Variants in MAPRE2 observed in about 807,000 individuals in gnomAD.
The protein encoded by MAPRE2 is microtubule-associated protein RP/EB family member 2.
Under a neutral mutation model 43.2 loss-of-function variants are expected in MAPRE2, and 13 were observed. The observed-to-expected ratio is 0.30, with a 90% CI of 0.20 to 0.48. MAPRE2 has a LOEUF of 0.48. Among genes scored for constraint, MAPRE2 ranks in the 20% least tolerant of loss-of-function variants. MAPRE2 has a pLI of 0.99. For missense variants in MAPRE2, 161 were observed against 400.2 expected, an observed-to-expected ratio of 0.40 and a Z score of 5.10; for synonymous variants, 135 against 148.8, an observed-to-expected ratio of 0.91 and a Z score of 0.68.
At chr18:35,095,287 G>A (rs1908348789) in intron 2 of MAPRE2, among the ~76,000 whole-genome samples, 1 of 151,750 alleles carries the variant, frequency 6.6e-6, no homozygotes, top group African/African-American at 2.4e-5. Context: ...ATGATCTGTT[G>A]AGTTTCAGAA....
At chr18:35,052,222 T>C (rs1905973736) in intron 1 of MAPRE2, among the ~76,000 whole-genome samples, 1 of 152,170 alleles carries the variant, frequency 6.6e-6, no homozygotes, top group South Asian at 2.1e-4. Flanking sequence ...CTTGTACCCT[T>C]TGCAGTCCAA....
intron 1 of MAPRE2, among the ~76,000 whole-genome samples, chr18:35,066,060 C>A (rs1182368010): frequency 2.0e-5 from 3 of 152,224 alleles, no homozygotes; most frequent in Non-Finnish European, 4.4e-5. Context: ...TGAGAATAAA[C>A]CCCGCACAGT....
intron 2 of MAPRE2, among the ~76,000 whole-genome samples, chr18:35,076,111 A>G (rs544342): frequency 0.27 from 40,588 of 152,128 alleles, 6,806 homozygotes; most frequent in East Asian, 0.52. Flanking sequence ...TATGGATGAT[A>G]TATCTTTGAA....
In MAPRE2 at chr18:34,981,896, T is replaced by TA. The variant is rs1234517470; in HGVS notation, c.-70+4817_-70+4818insA. Among the ~76,000 whole-genome samples, 912 of 149,490 alleles carry TA rather than the reference T, an allele frequency of 6.1e-3. 10 individuals carry two copies. Among genetic ancestry groups the TA allele is most frequent in the African/African-American group, 0.021 (843 of 40,662 alleles). ...TTTTTTATTTTTATTTATTTTTTTTTTTTTTTGAGACGGAGTCTCACTCTG... is the reference window on the plus strand; with the variant it reads ...TTTTTTATTTTTATTTATTTTTTTTTATTTTTTGAGACGGAGTCTCACTCTG... On this transcript the variant is annotated intron_variant, in intron 1 of 7. Transcript: ENST00000413393.
intron 1 of MAPRE2, among the ~76,000 whole-genome samples, chr18:34,999,982 A>C (rs1568967363): frequency 6.6e-6 from 1 of 151,934 alleles, no homozygotes; most frequent in Non-Finnish European, 1.5e-5. Context: ...TCTCTGAAAG[A>C]TTAATATCTA....
chr18:35,055,297 C>T (rs1906158718), intron 1 of MAPRE2, among the ~76,000 whole-genome samples: 1 of 152,096 alleles, frequency 6.6e-6, no homozygotes, highest in Non-Finnish European at 1.5e-5. Flanking sequence ...TCTTTTGGCC[C>T]CCATGTGCTC....
intron 1 of MAPRE2, among the ~76,000 whole-genome samples, chr18:35,064,040 C>T (rs1428117077): frequency 1.1e-5 from 1 of 91,694 alleles, no homozygotes; most frequent in African/African-American, 3.4e-5. Flanking sequence ...AAAATCTGGC[C>T]AACGTGATGG....
At chr18:35,073,155 G>C (rs966237462) in intron 2 of MAPRE2, among the ~76,000 whole-genome samples, 2 of 152,088 alleles carry the variant, frequency 1.3e-5, no homozygotes, top group Non-Finnish European at 2.9e-5. Context: ...CTGCAGCCTA[G>C]AGCTTGCAGT....
At chr18:35,048,832 A>T (rs1332254855) in intron 1 of MAPRE2, among the ~76,000 whole-genome samples, 1 of 151,392 alleles carries the variant, frequency 6.6e-6, no homozygotes, top group Non-Finnish European at 1.5e-5. Flanking sequence ...TTCTAAGATT[A>T]TACTTCCTAA....
chr18:35,011,539 A>G (rs1264173141), intron 2 of MAPRE2, among the ~76,000 whole-genome samples: 1 of 152,160 alleles, frequency 6.6e-6, no homozygotes, highest in Non-Finnish European at 1.5e-5. Flanking sequence ...AAAGATGTTG[A>G]AGTCCTTTAA....
chr18:35,131,826 A>G, intron 5 of MAPRE2: 1 of 553,840 alleles, frequency 1.8e-6, no homozygotes, highest in Non-Finnish European at 3.2e-6. Context: ...CCTGAAGGGA[A>G]TGACCAGAGT....
At chr18:35,062,803 C>G (rs1435901606) in intron 1 of MAPRE2, among the ~76,000 whole-genome samples, 2 of 152,184 alleles carry the variant, frequency 1.3e-5, no homozygotes, top group African/African-American at 2.4e-5. Flanking sequence ...ATTATATGCT[C>G]AAGCCCAAAG....
chr18:34,994,343 A>T (rs999829342), intron 1 of MAPRE2, among the ~76,000 whole-genome samples: 1 of 152,148 alleles, frequency 6.6e-6, no homozygotes, highest in Non-Finnish European at 1.5e-5. Flanking sequence ...TTAAGCTAAC[A>T]GAAGAAGTCT....
rs75475138 is a variant in MAPRE2, at chr18:35,136,908, C to A, written c.910-3387C>A. Reference sequence around the variant, plus strand: ...ACGGAAAGATGTGAATAGATTGATACGCACATATTAGAATTATTAGGTGAT... The same window carrying A: ...ACGGAAAGATGTGAATAGATTGATAAGCACATATTAGAATTATTAGGTGAT... On this transcript the variant is annotated intron_variant, in intron 6 of 6. Coordinates refer to ENST00000300249, the MANE Select transcript of MAPRE2 (RefSeq NM_014268.4). Among the ~76,000 whole-genome samples the A allele has an allele frequency of 8.3e-3, 1,271 of 152,328 alleles. 18 individuals are homozygous for A. Among genetic ancestry groups the A allele is most frequent in the African/African-American group, 0.03 (1,232 of 41,570 alleles).
chr18:35,084,648 A>C (rs550778081), intron 2 of MAPRE2, among the ~76,000 whole-genome samples: 1 of 152,344 alleles, frequency 6.6e-6, no homozygotes, highest in Non-Finnish European at 1.5e-5. Flanking sequence ...CACTCTCTTC[A>C]GTTCACATAA....
In MAPRE2 at chr18:35,031,208, G is replaced by A. The variant is rs572605654; in HGVS notation, c.-8+25655G>A. On this transcript the variant is annotated intron_variant, in intron 2 of 7. Coordinates refer to the MAPRE2 transcript ENST00000413393. Reference sequence around the variant, plus strand: ...CTCAAGTGTAAGTTCAGGGAATTTTGTCTACAAATTTCTGCATCTCTGATG... The same window carrying A: ...CTCAAGTGTAAGTTCAGGGAATTTTATCTACAAATTTCTGCATCTCTGATG... Among the ~76,000 whole-genome samples the A allele has an allele frequency of 2.6e-5, 4 of 152,252 alleles. No individual in the cohort carries two copies. The South Asian group carries it at 6.2e-4, about 24-fold the overall frequency.
chr18:35,036,864 T>C (rs1168340631), upstream of MAPRE2, among the ~76,000 whole-genome samples: 1 of 152,232 alleles, frequency 6.6e-6, no homozygotes, highest in Non-Finnish European at 1.5e-5. Context: ...GAACTGCAGA[T>C]AGAGCGGTGA....
intron 1 of MAPRE2, among the ~76,000 whole-genome samples, chr18:34,980,035 T>TC (rs1244042916): frequency 8.2e-4 from 18 of 21,918 alleles, no homozygotes; most frequent in African/African-American, 2.0e-3. Flanking sequence ...TTTTTTCTTT[T>TC]TTTTTTTTTT....
intron 2 of MAPRE2, among the ~76,000 whole-genome samples, chr18:35,082,546 C>T (rs886607293): frequency 3.9e-5 from 6 of 152,040 alleles, no homozygotes; most frequent in African/African-American, 1.2e-4. Flanking sequence ...GATTCCTTGT[C>T]TTTGCTTGGA....
Sources: allele counts gnomAD v4.1 joint callset (sites outside exome capture counted in the v4.1 genomes callset), GRCh38; gene constraint gnomAD v4.1.1; transcripts MANE v1.5; gene names NCBI Gene and HGNC (gene_info 2026-07-23, HGNC 2026-07-21).